H2BK1: variants seen among roughly 807,000 people sequenced by gnomAD.
The protein encoded by H2BK1 is histone H2B type 2-K1.
the H2BK1 span, chr7:151,208,152 G>GT: frequency 1.9e-6 from 3 of 1,586,870 alleles, no homozygotes; most frequent in Non-Finnish European, 2.6e-6. Flanking sequence ...GGGGCCAGGG[G>GT]AGGGGGGGTC....
chr7:151,209,816 C>T, the H2BK1 span, among the ~76,000 whole-genome samples: 1 of 152,214 alleles, frequency 6.6e-6, no homozygotes, highest in Non-Finnish European at 1.5e-5. Context: ...ACCCTGATCA[C>T]TCCTCTTCTC....
the H2BK1 span, among the ~76,000 whole-genome samples, chr7:151,209,563 C>T: frequency 1.3e-5 from 2 of 152,148 alleles, no homozygotes; most frequent in African/African-American, 2.4e-5. Flanking sequence ...AGCTGCTTTT[C>T]GTGCATGAAT....
chr7:151,210,212 A>G, the H2BK1 span: 5 of 399,182 alleles, frequency 1.3e-5, no homozygotes, highest in Non-Finnish European at 2.2e-5. Flanking sequence ...GTAGATATAC[A>G]TGGAGTAGGA....
chr7:151,210,218 T>A, the H2BK1 span: 1 of 398,980 alleles, frequency 2.5e-6, no homozygotes, highest in Non-Finnish European at 4.4e-6. Flanking sequence ...ATACATGGAG[T>A]AGGACTCCTT....
chr7:151,209,116 C>G, the H2BK1 span, among the ~76,000 whole-genome samples: 112 of 152,196 alleles, frequency 7.4e-4, 1 homozygote, highest in Non-Finnish European at 1.2e-3. Flanking sequence ...GGGGTTGGCC[C>G]TCAGCAGCAC....
chr7:151,208,437 G>A, the H2BK1 span, among the ~76,000 whole-genome samples: 4 of 152,204 alleles, frequency 2.6e-5, no homozygotes, highest in Non-Finnish European at 5.9e-5. Flanking sequence ...TTTCACTGAT[G>A]CATTTGCATA....
chr7:151,209,608 C>T, the H2BK1 span, among the ~76,000 whole-genome samples: 6 of 152,230 alleles, frequency 3.9e-5, no homozygotes, highest in East Asian at 1.9e-4. Flanking sequence ...GTTGGGGAGA[C>T]GGACACACAG....
chr7:151,210,167 C>T, the H2BK1 span: 3 of 399,074 alleles, frequency 7.5e-6, no homozygotes, highest in African/African-American at 2.1e-5. Flanking sequence ...CCCTCACACA[C>T]ATCCTTGCTA....
chr7:151,210,301 T>C, the H2BK1 span: 1 of 398,754 alleles, frequency 2.5e-6, no homozygotes, highest in African/African-American at 2.1e-5. Flanking sequence ...GCTGCCGCTG[T>C]CCATACTCAG....
chr7:151,210,358 G>C, the H2BK1 span: 2 of 346,868 alleles, frequency 5.8e-6, no homozygotes, highest in Non-Finnish European at 1.0e-5. Context: ...CCCCCTTGGA[G>C]CTACTTTTTA....
the H2BK1 span, among the ~76,000 whole-genome samples, chr7:151,209,993 T>C: frequency 2.0e-5 from 3 of 152,176 alleles, no homozygotes; most frequent in African/African-American, 7.2e-5. Context: ...CTTTGTCTCC[T>C]ATCACCGGTG....
the H2BK1 span, among the ~76,000 whole-genome samples, chr7:151,209,719 C>G: frequency 1.2e-4 from 18 of 152,260 alleles, no homozygotes; most frequent in East Asian, 3.3e-3. Context: ...GGGCCTCAAG[C>G]TGTTTGTCTA....
At chr7:151,210,039 C>T in the H2BK1 span, 1 of 394,490 alleles carries the variant, frequency 2.5e-6, no homozygotes, top group Non-Finnish European at 4.5e-6. Context: ...CCTCAAAAAC[C>T]AGGTCCCGCC....
At chr7:151,210,349 C>T in the H2BK1 span, 2 of 398,484 alleles carry the variant, frequency 5.0e-6, no homozygotes, top group Non-Finnish European at 8.9e-6. Context: ...CCTCACCCAC[C>T]CCCTTGGAGC....
At chr7:151,207,994 GCCC>G in the H2BK1 span, 1 of 1,546,930 alleles carries the variant, frequency 6.5e-7, no homozygotes, top group Non-Finnish European at 8.9e-7. Flanking sequence ...GGGTGGTCCG[GCCC>G]GAGTACTGGG....
the H2BK1 span, among the ~76,000 whole-genome samples, chr7:151,209,516 A>C: frequency 2.6e-4 from 40 of 152,338 alleles, no homozygotes; most frequent in Admixed American, 8.5e-4. Flanking sequence ...TGGATCCTCC[A>C]GACAAATTGA....
At chr7:151,208,161 T>C in the H2BK1 span, 5 of 1,544,380 alleles carry the variant, frequency 3.2e-6, no homozygotes, top group Non-Finnish European at 3.6e-6. Context: ...GGAGGGGGGG[T>C]CCTGCCTACA....
chr7:151,208,535 T>G, the H2BK1 span, among the ~76,000 whole-genome samples: 2 of 152,218 alleles, frequency 1.3e-5, no homozygotes, highest in Admixed American at 6.5e-5. Context: ...TGTTTTTTGT[T>G]GTTTTTGCTA....
At chr7:151,208,122 G>T in the H2BK1 span, 1 of 1,611,740 alleles carries the variant, frequency 6.2e-7, no homozygotes, top group Non-Finnish European at 8.5e-7. Context: ...AGAGAGGGCA[G>T]CACCACTCGG....
Sources: gnomAD v4.1 joint callset for allele counts (sites outside exome capture counted in the v4.1 genomes callset) on GRCh38, gnomAD v4.1.1 for gene constraint, MANE v1.5 for transcripts, NCBI Gene and HGNC (gene_info 2026-07-23, HGNC 2026-07-21) for gene names.